The following KIRREL3 variants were observed in gnomAD, a reference collection of about 807,000 sequenced individuals.
The protein encoded by KIRREL3 is kirre like nephrin family adhesion molecule 3.
Under a neutral mutation model 89.7 loss-of-function variants are expected in KIRREL3, and 36 were observed. That is an observed-to-expected ratio of 0.40 (90% confidence interval 0.31 to 0.53). KIRREL3 has a LOEUF of 0.53. Among genes scored for constraint, KIRREL3 ranks in the 20% least tolerant of loss-of-function variants. The probability of loss-of-function intolerance (pLI) is 0.49; values close to 1 mark genes in which losing one functional copy is unlikely to be tolerated. For missense variants in KIRREL3, 864 were observed against 1,056.6 expected (o/e 0.82, Z 2.53); for synonymous variants, 445 against 441.4 (o/e 1.01, Z -0.10).
At position 126,943,477 on chromosome 11, in the gene KIRREL3, G is replaced by A. The variant is rs1948521667; in HGVS notation, c.55+56978C>T. ...AGAATTGCCTAGATGTGATGGCTTTGCCCATTAGGAGTGTACAAGCATATT... is the reference window on the plus strand; with the variant it reads ...AGAATTGCCTAGATGTGATGGCTTTACCCATTAGGAGTGTACAAGCATATT... On this transcript the variant is annotated intron_variant, in intron 1 of 16. Coordinates refer to ENST00000525144, the MANE Select transcript of KIRREL3 (RefSeq NM_032531.4). This position sits in a 1 kb window ranked among gnomAD's most constrained non-coding sequence, Gnocchi z 4.2. Among the ~76,000 whole-genome samples, 1 of 152,230 alleles carries A rather than the reference G, an allele frequency of 6.6e-6. No individual in the cohort carries two copies. Among genetic ancestry groups the A allele is most frequent in the Non-Finnish European group, 1.5e-5 (1 of 68,042 alleles).
At position 126,605,919 on chromosome 11, in the gene KIRREL3, C is replaced by T. The variant is rs749263071; in HGVS notation, c.56-43007G>A. On this transcript the variant is annotated intron_variant, in intron 1 of 16. Coordinates refer to ENST00000525144, the MANE Select transcript of KIRREL3 (RefSeq NM_032531.4). This position sits in a 1 kb window ranked among gnomAD's most constrained non-coding sequence, Gnocchi z 5.7. ...GGGAACCTTGGAGGTTCCTCCTGTT[C>T]ATTCTCTGCCTCAGGGAAGTGACAC... is the stretch of plus-strand genomic sequence containing the variant. 2.0e-5 allele frequency among the ~76,000 whole-genome samples: 3 copies of T among 152,200 alleles called. No individual in the cohort carries two copies. Among genetic ancestry groups the T allele is most frequent in the Non-Finnish European group, 2.9e-5 (2 of 68,040 alleles).
Position 126,655,808 on chromosome 11 carries a change from C to G in KIRREL3, c.56-92896G>C, listed in dbSNP as rs80340641. On this transcript the variant is annotated intron_variant, in intron 1 of 16. Transcript: ENST00000525144. The surrounding 1 kb of genome is among the most constrained non-coding windows in gnomAD (Gnocchi z 5.0). ...ATGATAAAAATTCTGTCCACTCTAC[C>G]AAAATGGGAGAAGCAATAGCAAGAC... is the stretch of plus-strand genomic sequence containing the variant. Among the ~76,000 whole-genome samples the G allele has an allele frequency of 2.9e-3, 445 of 152,270 alleles. 3 individuals carry two copies. The highest frequency in any genetic ancestry group is 0.01 in the African/African-American group (431 of 41,528).
intron 2 of KIRREL3, among the ~76,000 whole-genome samples, chr11:126,532,717 G>T (rs1958981755): frequency 6.6e-6 from 1 of 152,094 alleles, no homozygotes. Flanking sequence ...AGAATGAAAA[G>T]TGATTTCTTG....
At chr11:126,722,062 T>C (rs555634424) in intron 1 of KIRREL3, among the ~76,000 whole-genome samples, 1 of 152,364 alleles carries the variant, frequency 6.6e-6, no homozygotes, top group South Asian at 2.1e-4. Context: ...TAATTTCCAC[T>C]TCCAGCCTTG....
intron 1 of KIRREL3, among the ~76,000 whole-genome samples, chr11:126,632,378 C>T (rs1370137709): frequency 1.3e-5 from 2 of 152,176 alleles, no homozygotes; most frequent in Admixed American, 1.3e-4. Context: ...AAGAAAACCT[C>T]AGGCTTTTTG....
chr11:126,854,953 C>T (rs892027471), intron 1 of KIRREL3, among the ~76,000 whole-genome samples: 5 of 152,140 alleles, frequency 3.3e-5, no homozygotes, highest in Admixed American at 6.5e-5. Flanking sequence ...TAGATTCACC[C>T]TTGTCTCTAA....
chr11:126,858,018 A>G (rs1421033846), intron 1 of KIRREL3, among the ~76,000 whole-genome samples: 2 of 152,206 alleles, frequency 1.3e-5, no homozygotes, highest in Admixed American at 6.5e-5. Flanking sequence ...CCACTTTAAC[A>G]TGCTGGCACC....
intron 1 of KIRREL3, among the ~76,000 whole-genome samples, chr11:126,831,180 A>C (rs1466321897): frequency 6.6e-6 from 1 of 152,212 alleles, no homozygotes; most frequent in Non-Finnish European, 1.5e-5. Context: ...AATACCCGGC[A>C]TGATGCTCAC....
chr11:126,909,865 A>G lies in KIRREL3; in HGVS notation c.55+90590T>C, dbSNP rs1341239405. ...GCAAGATTCAGATATATGGTCTGTGATATGGATATGATATTTTTTTATTGC... is the reference window on the plus strand; with the variant it reads ...GCAAGATTCAGATATATGGTCTGTGGTATGGATATGATATTTTTTTATTGC... On this transcript the variant is annotated intron_variant, in intron 1 of 16. Coordinates refer to ENST00000525144, the MANE Select transcript of KIRREL3 (RefSeq NM_032531.4). This position sits in a 1 kb window ranked among gnomAD's most constrained non-coding sequence, Gnocchi z 4.5. 6.6e-6 allele frequency among the ~76,000 whole-genome samples: 1 copy of G among 152,174 alleles called. No homozygotes were observed. Among genetic ancestry groups the G allele is most frequent in the Non-Finnish European group, 1.5e-5 (1 of 68,028 alleles).
chr11:126,450,791 ATGTG>A (rs879348924), intron 7 of KIRREL3, among the ~76,000 whole-genome samples: 3 of 142,974 alleles, frequency 2.1e-5, no homozygotes, highest in Non-Finnish European at 3.0e-5. Flanking sequence ...GCATCTGTGC[ATGTG>A]TGTGTCTGCA....
intron 1 of KIRREL3, among the ~76,000 whole-genome samples, chr11:126,658,474 G>T (rs1207229786): frequency 6.6e-6 from 1 of 152,168 alleles, no homozygotes; most frequent in African/African-American, 2.4e-5. Flanking sequence ...TCTCAGTAAT[G>T]AATGTTCACC....
intron 1 of KIRREL3, among the ~76,000 whole-genome samples, chr11:126,725,179 T>C (rs2134179185): frequency 6.6e-6 from 1 of 152,322 alleles, no homozygotes; most frequent in East Asian, 1.9e-4. Flanking sequence ...GGCCAGAAAG[T>C]CACGTGACCC....
chr11:126,810,903 C>T (rs539287829), intron 1 of KIRREL3, among the ~76,000 whole-genome samples: 1 of 152,212 alleles, frequency 6.6e-6, no homozygotes, highest in East Asian at 1.9e-4. Flanking sequence ...GTCTTAAGCC[C>T]CTCAAGCCCG....
chr11:126,763,149 C>A lies in KIRREL3; in HGVS notation c.56-200237G>T, dbSNP rs1186553512. 6.6e-6 allele frequency among the ~76,000 whole-genome samples: 1 copy of A among 152,170 alleles called. No homozygotes were observed. The highest frequency in any genetic ancestry group is 1.5e-5 in the Non-Finnish European group (1 of 68,036). On this transcript the variant is annotated intron_variant, in intron 1 of 16. Coordinates refer to ENST00000525144, the MANE Select transcript of KIRREL3 (RefSeq NM_032531.4). The surrounding 1 kb of genome is among the most constrained non-coding windows in gnomAD (Gnocchi z 4.7). ...AAGAGTGCAGGACTGGGTTTGAGAG[C>A]AGATTCTGGCTCTGTTGTCAGCAAG...
At chr11:126,539,631 A>G (rs1938195863) in intron 2 of KIRREL3, among the ~76,000 whole-genome samples, 1 of 152,216 alleles carries the variant, frequency 6.6e-6, no homozygotes, top group South Asian at 2.1e-4. Context: ...TGAATGGATG[A>G]TGGAGGAGCC....
intron 1 of KIRREL3, among the ~76,000 whole-genome samples, chr11:126,590,376 T>C (rs1302086876): frequency 6.6e-6 from 1 of 152,176 alleles, no homozygotes; most frequent in Non-Finnish European, 1.5e-5. Flanking sequence ...TCGACTCCTA[T>C]GGGGCTCTTC....
rs1950025594 is a variant in KIRREL3 at position 126,991,214 on chromosome 11, G to A, written c.55+9241C>T. Among the ~76,000 whole-genome samples the A allele has an allele frequency of 6.6e-6, 1 of 152,160 alleles. No individual in the cohort carries two copies. The highest frequency in any genetic ancestry group is 1.5e-5 in the Non-Finnish European group (1 of 68,028). On this transcript the variant is annotated intron_variant, in intron 1 of 16. Coordinates refer to ENST00000525144, the MANE Select transcript of KIRREL3 (RefSeq NM_032531.4). The surrounding 1 kb of genome is among the most constrained non-coding windows in gnomAD (Gnocchi z 5.8). ...TTCCAGAAAGGAACAACTTCCTGCA[G>A]GGCACGTCCACACTTCACTTAGTCA...
Position 126,576,151 on chromosome 11 carries a change from G to T in KIRREL3, c.56-13239C>A, listed in dbSNP as rs1178637692. ...GTTCAACAGATTAATATTTGATTTA[G>T]CACTGTGTGTCCCTTCAAAATTCTG... On this transcript the variant is annotated intron_variant, in intron 1 of 16. Transcript: ENST00000525144. The surrounding 1 kb of genome is among the most constrained non-coding windows in gnomAD (Gnocchi z 5.4). 1.3e-5 allele frequency among the ~76,000 whole-genome samples: 2 copies of T among 152,194 alleles called. No homozygotes were observed. The highest frequency in any genetic ancestry group is 1.3e-4 in the Admixed American group (2 of 15,278).
At chr11:126,881,044 T>C (rs1263781190) in intron 1 of KIRREL3, among the ~76,000 whole-genome samples, 2 of 152,240 alleles carry the variant, frequency 1.3e-5, no homozygotes, top group Admixed American at 6.5e-5. Flanking sequence ...GCCATCCAGC[T>C]GTCAATCACA....
Sources: gnomAD v4.1 joint callset for allele counts (sites outside exome capture counted in the v4.1 genomes callset) on GRCh38, gnomAD v4.1.1 for gene constraint, Gnocchi (gnomAD v3.1) non-coding constraint, MANE v1.5 for transcripts, NCBI Gene and HGNC (gene_info 2026-07-23, HGNC 2026-07-21) for gene names.